ZNF438: variants seen among roughly 807,000 people sequenced by gnomAD.
The protein encoded by ZNF438 is zinc finger protein 438.
ZNF438 carries 25 observed loss-of-function variants against 38.0 expected under a neutral mutation model. The ratio of observed to expected loss-of-function variants is 0.66; its 90% confidence interval spans 0.48 to 0.92. ZNF438 has a LOEUF of 0.92. Among genes scored for constraint, ZNF438 ranks in the 40% least tolerant of loss-of-function variants. The pLI, the probability that ZNF438 is intolerant of heterozygous loss-of-function variation, is 0.00. For synonymous variants in ZNF438, 372 were observed against 364.1 expected (o/e 1.02, Z -0.25); for missense variants, 1,007 against 999.6 (o/e 1.01, Z -0.10).
chr10:30,857,501 C>T (rs1436352833), intron 4 of ZNF438, among the ~76,000 whole-genome samples: 3 of 152,110 alleles, frequency 2.0e-5, no homozygotes, highest in Non-Finnish European at 4.4e-5. Context: ...GTGATCCACC[C>T]GCCTTGGCCT....
At chr10:30,905,632 T>C (rs566081715) in intron 3 of ZNF438, among the ~76,000 whole-genome samples, 1 of 152,324 alleles carries the variant, frequency 6.6e-6, no homozygotes, top group African/African-American at 2.4e-5. Context: ...CATAGTTTTC[T>C]TTTGTTGTTT....
At chr10:30,908,396 T>G (rs1166843568) in intron 3 of ZNF438, among the ~76,000 whole-genome samples, 1 of 152,200 alleles carries the variant, frequency 6.6e-6, no homozygotes, top group Admixed American at 6.5e-5. Context: ...CTTATAATGT[T>G]GGATCTGGGA....
chr10:30,983,358 A>C (rs996834012), intron 1 of ZNF438, among the ~76,000 whole-genome samples: 1 of 152,226 alleles, frequency 6.6e-6, no homozygotes, highest in Non-Finnish European at 1.5e-5. Flanking sequence ...GGGAGGCCTC[A>C]AGAAACTTTC....
intron 3 of ZNF438, among the ~76,000 whole-genome samples, chr10:30,884,336 C>T (rs1023591389): frequency 6.6e-6 from 1 of 152,034 alleles, no homozygotes; most frequent in Admixed American, 6.6e-5. Context: ...TACAATATTG[C>T]ATCCTCTGAT....
chr10:30,894,135 A>C (rs949505374), intron 3 of ZNF438, among the ~76,000 whole-genome samples: 2 of 152,242 alleles, frequency 1.3e-5, no homozygotes, highest in African/African-American at 4.8e-5. Context: ...CTCTCTTTGC[A>C]GAAGATGCTC....
intron 1 of ZNF438, among the ~76,000 whole-genome samples, chr10:30,961,524 TA>T (rs1436982119): frequency 6.8e-6 from 1 of 146,322 alleles, no homozygotes; most frequent in African/African-American, 2.4e-5. Context: ...AATCGCATTT[TA>T]TTTTTTTTAA....
chr10:31,004,781 A>C (rs55753434), intron 1 of ZNF438, among the ~76,000 whole-genome samples: 2 of 152,290 alleles, frequency 1.3e-5, no homozygotes, highest in Non-Finnish European at 2.9e-5. Flanking sequence ...TGGTAACAGA[A>C]AGGAAGTGAT....
At chr10:30,953,888 A>T (rs1310798876) in intron 1 of ZNF438, among the ~76,000 whole-genome samples, 1 of 152,214 alleles carries the variant, frequency 6.6e-6, no homozygotes, top group Non-Finnish European at 1.5e-5. Flanking sequence ...TCACACCTGT[A>T]CTCCCAACAC....
intron 4 of ZNF438, among the ~76,000 whole-genome samples, chr10:30,855,925 A>G (rs1656906022): frequency 6.6e-6 from 1 of 152,226 alleles, no homozygotes; most frequent in Admixed American, 6.5e-5. Flanking sequence ...GAAGTCAGGA[A>G]TGGGATAAGT....
chr10:30,917,585 A>C (rs2043799312), intron 2 of ZNF438, among the ~76,000 whole-genome samples: 1 of 152,152 alleles, frequency 6.6e-6, no homozygotes, highest in Admixed American at 6.5e-5. Flanking sequence ...TAATCATTTG[A>C]ATATCTTCCG....
chr10:31,012,947 C>T (rs1208035010), intron 1 of ZNF438, among the ~76,000 whole-genome samples: 2 of 152,204 alleles, frequency 1.3e-5, no homozygotes, highest in Non-Finnish European at 2.9e-5. Flanking sequence ...CTGGCTTGTC[C>T]TTCCACATAC....
At chr10:30,994,174 T>C (rs2053812355) in intron 1 of ZNF438, among the ~76,000 whole-genome samples, 1 of 152,244 alleles carries the variant, frequency 6.6e-6, no homozygotes, top group South Asian at 2.1e-4. Context: ...GGCTTTTGAA[T>C]GCATGATAGA....
intron 3 of ZNF438, among the ~76,000 whole-genome samples, chr10:30,891,810 G>A (rs1564583340): frequency 1.3e-5 from 2 of 152,054 alleles, no homozygotes; most frequent in Non-Finnish European, 2.9e-5. Context: ...AAATGTCTAG[G>A]ATACAGATAT....
chr10:30,849,806 T>A, exon 5 of ZNF438: 1 of 1,613,968 alleles, frequency 6.2e-7, no homozygotes. Context: ...CAAGTCCCCA[T>A]GGTCACTTCC....
chr10:30,959,315 C>T (rs540959762), intron 1 of ZNF438, among the ~76,000 whole-genome samples: 2 of 146,784 alleles, frequency 1.4e-5, no homozygotes. Flanking sequence ...AAAAGGATGA[C>T]CTCCCTGGGC....
At chr10:31,030,193 G>A (rs1159731201) in intron 1 of ZNF438, among the ~76,000 whole-genome samples, 1 of 152,080 alleles carries the variant, frequency 6.6e-6, no homozygotes, top group African/African-American at 2.4e-5. Context: ...CACACTTCAA[G>A]TGTCCCTGCC....
At chr10:30,970,758 G>C (rs920641814) in intron 1 of ZNF438, among the ~76,000 whole-genome samples, 4 of 152,132 alleles carry the variant, frequency 2.6e-5, no homozygotes, top group African/African-American at 9.7e-5. Context: ...TCTTTCAAAA[G>C]GGAACCACCT....
intron 3 of ZNF438, among the ~76,000 whole-genome samples, chr10:30,884,625 C>T (rs1028978102): frequency 2.0e-5 from 3 of 152,054 alleles, no homozygotes; most frequent in African/African-American, 4.8e-5. Flanking sequence ...TTAAAGAATG[C>T]AAACAGCAAA....
At chr10:30,895,264 T>C (rs2041180111) in intron 3 of ZNF438, among the ~76,000 whole-genome samples, 1 of 152,240 alleles carries the variant, frequency 6.6e-6, no homozygotes, top group Non-Finnish European at 1.5e-5. Context: ...ACTCCAAATG[T>C]GTACATTTTC....
Sources: allele counts gnomAD v4.1 joint callset (sites outside exome capture counted in the v4.1 genomes callset), GRCh38; gene constraint gnomAD v4.1.1; transcripts MANE v1.5; gene names NCBI Gene and HGNC (gene_info 2026-07-23, HGNC 2026-07-21).